The following PFKFB3 variants were observed in gnomAD, a reference collection of about 807,000 sequenced individuals.
PFKFB3 encodes the protein 6-phosphofructo-2-kinase/fructose-2,6-bisphosphatase 3.
A neutral mutation model predicts 68.0 loss-of-function variants in PFKFB3; 33 were observed. That is an observed-to-expected ratio of 0.49 (90% CI 0.37 to 0.65). The LOEUF (loss-of-function observed/expected upper bound fraction) is 0.65, where lower values mean the gene tolerates loss of function less well. Among genes scored for constraint, PFKFB3 ranks in the 30% least tolerant of loss-of-function variants. PFKFB3 has a pLI of 0.00. For synonymous variants in PFKFB3, 315 were observed against 288.2 expected (o/e 1.09, Z -0.94); for missense variants, 586 against 712.2 (o/e 0.82, Z 2.02).
At chr10:6,324,822 A>G in the PFKFB3 span, among the ~76,000 whole-genome samples, 1 of 150,098 alleles carries the variant, frequency 6.7e-6, no homozygotes, top group Non-Finnish European at 1.5e-5. Flanking sequence ...ATTTAAAGGA[A>G]AAAAAAAAAG....
chr10:6,267,694 C>T, the PFKFB3 span, among the ~76,000 whole-genome samples: 1 of 152,122 alleles, frequency 6.6e-6, no homozygotes, highest in East Asian at 1.9e-4. Flanking sequence ...GTGGCTCATG[C>T]CTGTAATCTC....
At chr10:6,224,460 T>A in intron 13 of PFKFB3, 3 of 598,074 alleles carry the variant, frequency 5.0e-6, no homozygotes, top group East Asian at 3.3e-5. Context: ...GAGATATGAA[T>A]ATTAGTGAGG....
chr10:6,284,525 A>G, the PFKFB3 span, among the ~76,000 whole-genome samples: 1 of 152,228 alleles, frequency 6.6e-6, no homozygotes, highest in Non-Finnish European at 1.5e-5. Context: ...TAGTGTTAGC[A>G]CATAATATTG....
At chr10:6,304,308 G>T in the PFKFB3 span, among the ~76,000 whole-genome samples, 2 of 151,936 alleles carry the variant, frequency 1.3e-5, no homozygotes, top group Non-Finnish European at 2.9e-5. Context: ...TTAGGGAGCA[G>T]ATCTAAACCT....
At chr10:6,253,430 T>C (rs1213790556) in intron 14 of PFKFB3, among the ~76,000 whole-genome samples, 1 of 152,132 alleles carries the variant, frequency 6.6e-6, no homozygotes, top group Non-Finnish European at 1.5e-5. Flanking sequence ...GGCAATTGCT[T>C]TGAGGTGAAC....
At chr10:6,314,813 G>A in the PFKFB3 span, among the ~76,000 whole-genome samples, 3 of 152,140 alleles carry the variant, frequency 2.0e-5, no homozygotes, top group African/African-American at 7.2e-5. Context: ...AGTTTGTGAC[G>A]AACCCATCAT....
At chr10:6,300,754 G>A in the PFKFB3 span, among the ~76,000 whole-genome samples, 2 of 152,144 alleles carry the variant, frequency 1.3e-5, no homozygotes, top group Non-Finnish European at 2.9e-5. Flanking sequence ...AGCTGGGTTT[G>A]ATTCATTCCT....
At chr10:6,214,876 A>G (rs1248246933) in intron 2 of PFKFB3, among the ~76,000 whole-genome samples, 1 of 152,106 alleles carries the variant, frequency 6.6e-6, no homozygotes, top group African/African-American at 2.4e-5. Context: ...TGTTGTCCCT[A>G]TTTTTGCTAG....
the PFKFB3 span, among the ~76,000 whole-genome samples, chr10:6,270,777 T>G: frequency 6.6e-6 from 1 of 152,154 alleles, no homozygotes. Context: ...AGTTGCAGTT[T>G]CACCTTTATT....
intron 1 of PFKFB3, among the ~76,000 whole-genome samples, chr10:6,188,293 C>T (rs1842928402): frequency 6.6e-6 from 1 of 151,754 alleles, no homozygotes; most frequent in South Asian, 2.1e-4. Flanking sequence ...TCAAGTCTCA[C>T]CAATTTTCCC....
chr10:6,283,932 T>C, the PFKFB3 span, among the ~76,000 whole-genome samples: 1 of 152,022 alleles, frequency 6.6e-6, no homozygotes, highest in South Asian at 2.1e-4. Context: ...TCCAATCACA[T>C]CATGCCTCAT....
At chr10:6,252,328 C>A (rs1462918273) in intron 14 of PFKFB3, among the ~76,000 whole-genome samples, 1 of 152,068 alleles carries the variant, frequency 6.6e-6, no homozygotes, top group African/African-American at 2.4e-5. Context: ...CGATTTTTTT[C>A]TTTTGATGTA....
chr10:6,307,418 G>A, the PFKFB3 span, among the ~76,000 whole-genome samples: 73 of 151,862 alleles, frequency 4.8e-4, no homozygotes, highest in Non-Finnish European at 9.3e-4. Context: ...GATGTAGATG[G>A]CTACCAGCAG....
At chr10:6,149,977 C>A (rs1841524099) in intron 1 of PFKFB3, 1 of 152,224 alleles carries the variant, frequency 6.6e-6, no homozygotes, top group African/African-American at 2.4e-5. Flanking sequence ...ATCCATTCAT[C>A]TGTTGTTGGA....
chr10:6,160,884 C>T (rs1427263907), intron 1 of PFKFB3, among the ~76,000 whole-genome samples: 1 of 152,002 alleles, frequency 6.6e-6, no homozygotes, highest in Non-Finnish European at 1.5e-5. Flanking sequence ...GTCACTTCTC[C>T]AGTCATCTCC....
intron 1 of PFKFB3, among the ~76,000 whole-genome samples, chr10:6,146,084 C>G (rs1841380374): frequency 6.6e-6 from 1 of 152,198 alleles, no homozygotes; most frequent in African/African-American, 2.4e-5. Context: ...CACTCAACAC[C>G]CGAGACTCCC....
At chr10:6,319,541 T>C in the PFKFB3 span, among the ~76,000 whole-genome samples, 1 of 152,146 alleles carries the variant, frequency 6.6e-6, no homozygotes, top group South Asian at 2.1e-4. Flanking sequence ...AAATTATCTA[T>C]TGGGTGCAAT....
intron 1 of PFKFB3, among the ~76,000 whole-genome samples, chr10:6,151,307 T>C (rs1297956289): frequency 6.6e-6 from 1 of 151,148 alleles, no homozygotes; most frequent in African/African-American, 2.5e-5. Flanking sequence ...TCCTGGCACT[T>C]CCGCAAGCAG....
intron 1 of PFKFB3, chr10:6,149,723 A>T: frequency 6.3e-6 from 1 of 159,912 alleles, no homozygotes. Flanking sequence ...TTCCTCCCTC[A>T]CCACTCCATG....
Sources: allele counts gnomAD v4.1 joint callset (sites outside exome capture counted in the v4.1 genomes callset), GRCh38; gene constraint gnomAD v4.1.1; transcripts MANE v1.5; gene names NCBI Gene and HGNC (gene_info 2026-07-23, HGNC 2026-07-21).